Variants in DNTTIP2 observed in about 807,000 individuals in gnomAD.
The protein encoded by DNTTIP2 is deoxynucleotidyltransferase terminal-interacting protein 2.
A neutral mutation model predicts 62.4 loss-of-function variants in DNTTIP2; 47 were observed. The observed-to-expected ratio is 0.75, with a 90% CI of 0.60 to 0.96. DNTTIP2 has a LOEUF of 0.96. DNTTIP2 is among the 40% of genes least tolerant of loss of function. DNTTIP2 has a pLI of 0.00. For synonymous variants in DNTTIP2, 322 were observed against 300.9 expected, an observed-to-expected ratio of 1.07 and a Z score of -0.73; for missense variants, 870 against 849.1, an observed-to-expected ratio of 1.02 and a Z score of -0.31.
intron 1 of DNTTIP2, chr1:93,878,765 T>A: frequency 4.0e-6 from 1 of 250,998 alleles, no homozygotes; most frequent in Non-Finnish European, 7.7e-6. Flanking sequence ...TGGCCGAAAT[T>A]AACCCTCCTT....
In DNTTIP2 at chr1:93,876,849, T is replaced by C. The variant is rs773108956; in HGVS notation, c.1086A>G (p.Ser362=). The change falls in exon 2 of 7, where the codon TCA becomes TCG. Residue 362 remains serine (S), a synonymous_variant. Transcript: ENST00000436063. ...SNLNSEAVMK[S]LTQTFATVEV... ...CCACAGTTGCAAATGTTTGAGTTAA[T>C]GATTTCATTACAGCCTCAGAGTTCA... is the stretch of plus-strand genomic sequence containing the variant. 1.2e-6 allele frequency: 2 copies of C among 1,614,020 alleles called. No homozygotes were observed. Among genetic ancestry groups the C allele is most frequent in the Non-Finnish European group, 8.5e-7 (1 of 1,179,888 alleles).
At position 93,875,559 on chromosome 1, in the gene DNTTIP2, G is replaced by C. The variant is rs1003433125; in HGVS notation, c.1806+86C>G. 5.7e-6 allele frequency: 8 copies of C among 1,414,732 alleles called. No individual in the cohort carries two copies. The Admixed American group carries it at 1.9e-4, about 34-fold the overall frequency. The allele number at this position is 1,414,732 out of a possible 1,614,324, so 87.6% of individuals were successfully genotyped here. On this transcript the variant is annotated intron_variant, in intron 3 of 6. Transcript: ENST00000436063. ...CACATTAGGCCAATGTGGTTTCACT[G>C]TAGGAAAATTAAGTCTTTTACCAAG...
At position 93,867,265 on chromosome 1, in the gene DNTTIP2, T is replaced by C. The variant is rs1412351656; in HGVS notation, c.*2586A>G. The C allele has an allele frequency of 6.6e-6, 1 of 152,018 alleles. No individual in the cohort carries two copies. The highest frequency in any genetic ancestry group is 2.4e-5 in the African/African-American group (1 of 41,368). The allele number at this position is 152,018 out of a possible 1,614,324, so 9.4% of individuals were successfully genotyped here. ...GGTCTCTTTCACCAGCACACCTGAC[T>C]GTGGCAGCCCTTTGGATTCTTTATA... On this transcript the variant is annotated 3_prime_UTR_variant, in exon 7 of 7. Transcript: ENST00000436063.
chr1:93,877,879 A>G lies in DNTTIP2; in HGVS notation c.73-17T>C. The G allele has an allele frequency of 6.3e-7, 1 of 1,593,156 alleles. No homozygotes were observed. The highest frequency in any genetic ancestry group is 8.5e-7 in the Non-Finnish European group (1 of 1,176,242). On this transcript the variant is annotated splice_polypyrimidine_tract_variant and intron_variant, in intron 1 of 6. Coordinates refer to ENST00000436063, the MANE Select transcript of DNTTIP2 (RefSeq NM_014597.5). Reference sequence around the variant, plus strand: ...AGCAAAACTCTGCAAACCAGAGAAAACACACTGTAATTTAGGTAGGGCTGG... The same window carrying G: ...AGCAAAACTCTGCAAACCAGAGAAAGCACACTGTAATTTAGGTAGGGCTGG...
rs745358049 is a variant in DNTTIP2, at chr1:93,879,125, C to G, written c.24G>C (p.Arg8=). The change falls in exon 1 of 7, where the codon CGG becomes CGC. Residue 8 remains arginine (R), a synonymous_variant. Coordinates refer to ENST00000436063, the MANE Select transcript of DNTTIP2 (RefSeq NM_014597.5). MVVTRSA[R]AKASIQAASA... is the part of the protein sequence containing the mutation. ...ACGCGGCTTGGATGCTGGCCTTAGCCCGTGCAGATCTGGTAACCACCATCT... is the reference window on the plus strand; with the variant it reads ...ACGCGGCTTGGATGCTGGCCTTAGCGCGTGCAGATCTGGTAACCACCATCT... The G allele has an allele frequency of 6.2e-7, 1 of 1,613,610 alleles. No individual in the cohort carries two copies.
At chr1:93,878,273 T>C (rs1329107745) in intron 1 of DNTTIP2, among the ~76,000 whole-genome samples, 1 of 152,068 alleles carries the variant, frequency 6.6e-6, no homozygotes, top group African/African-American at 2.4e-5. Context: ...CACTGCACTC[T>C]AGCCTGGGCG....
intron 1 of DNTTIP2, 146 bp downstream of exon 1, chr1:93,878,931 A>T: frequency 3.0e-6 from 3 of 1,008,790 alleles, no homozygotes; most frequent in Non-Finnish European, 1.4e-6. Context: ...CAGGCTTAGC[A>T]CGGGGCCTGG....
intron 1 of DNTTIP2, among the ~76,000 whole-genome samples, chr1:93,878,304 A>T (rs949376101): frequency 6.6e-6 from 1 of 152,214 alleles, no homozygotes; most frequent in Non-Finnish European, 1.5e-5. Context: ...ACTCCGAATC[A>T]AAAACAAACA....
chr1:93,872,513 A>G (rs1040038604), intron 4 of DNTTIP2, among the ~76,000 whole-genome samples: 3 of 152,214 alleles, frequency 2.0e-5, no homozygotes, highest in Non-Finnish European at 2.9e-5. Flanking sequence ...TGCTGGGAGA[A>G]TAACACACAA....
At chr1:93,874,643 C>G (rs945245487) in intron 3 of DNTTIP2, among the ~76,000 whole-genome samples, 2 of 152,060 alleles carry the variant, frequency 1.3e-5, no homozygotes, top group African/African-American at 4.8e-5. Context: ...ACTGTCACAT[C>G]TGTGTGTGTG....
intron 3 of DNTTIP2, 92 bp from the exon 4 acceptor site, chr1:93,873,306 G>T: frequency 2.0e-6 from 2 of 984,662 alleles, no homozygotes; most frequent in Non-Finnish European, 3.0e-6. Flanking sequence ...AAAATTTTTA[G>T]TCAGCCTGGC....
rs200584102 is a variant in DNTTIP2, at chr1:93,877,091, C to T, written c.844G>A (p.Glu282Lys). ...TTAAGAGATTCAACATTGGCCTGTT[C>T]GTGCACTGTTAATATATTTTCTGAA... ...RSSENILTVH[E>K]QANVESLKET... is the part of the protein sequence containing the mutation. The change falls in exon 2 of 7, where the codon GAA (glutamate) becomes AAA (lysine). Residue 282 changes from glutamate (E) to lysine (K), a missense_variant. By Grantham distance (56) the Glu-to-Lys change is moderately conservative. Transcript: ENST00000436063. 9.9e-5 allele frequency: 160 copies of T among 1,611,320 alleles called. 1 individual carries two copies. In the African/African-American group the frequency reaches 1.9e-3, roughly 19 times the overall value.
chr1:93,872,865 A>G (rs1400643075), intron 4 of DNTTIP2, among the ~76,000 whole-genome samples: 1 of 150,204 alleles, frequency 6.7e-6, no homozygotes. Context: ...TGGCAGATAG[A>G]AGTAATCTAT....
chr1:93,871,983 T>G (rs1260970963), intron 5 of DNTTIP2, 89 bp downstream of exon 5: 1 of 1,414,366 alleles, frequency 7.1e-7, no homozygotes, highest in East Asian at 2.3e-5. Context: ...GGAAATATCC[T>G]CTATTTTAGG....
chr1:93,874,106 G>T (rs1308228321), intron 3 of DNTTIP2, among the ~76,000 whole-genome samples: 3 of 152,186 alleles, frequency 2.0e-5, no homozygotes, highest in Non-Finnish European at 4.4e-5. Context: ...ACTCATAAAA[G>T]GGGGCATGAT....
Position 93,877,189 on chromosome 1 carries a change from G to A in DNTTIP2, c.746C>T (p.Ala249Val). The change falls in exon 2 of 7, where the codon GCA (alanine) becomes GTA (valine). Residue 249 changes from alanine to valine, a missense_variant. Ala to Val is a moderately conservative substitution (Grantham distance 64). Coordinates refer to ENST00000436063, the MANE Select transcript of DNTTIP2 (RefSeq NM_014597.5). ...SDTRQTSHLQ[A>V]RSLSEINKPN... ...CTTATTTATCTCAGAAAGAGATCTT[G>A]CTTGTAAATGGGAAGTTTGTCTGGT... 4 of 1,613,676 alleles carry A rather than the reference G, an allele frequency of 2.5e-6. No individual in the cohort carries two copies. The South Asian group carries it at 4.4e-5, about 18-fold the overall frequency.
At chr1:93,873,517 A>ACTT (rs1655922647) in intron 3 of DNTTIP2, 1 of 234,222 alleles carries the variant, frequency 4.3e-6, no homozygotes, top group Non-Finnish European at 8.3e-6. Flanking sequence ...CAGAAGGATC[A>ACTT]CTTGAGGCCA....
Position 93,879,169 on chromosome 1 carries a change from C to T in DNTTIP2, c.-21G>A. 1 of 1,610,774 alleles carries T rather than the reference C, an allele frequency of 6.2e-7. No individual in the cohort carries two copies. Among genetic ancestry groups the T allele is most frequent in the Non-Finnish European group, 8.5e-7 (1 of 1,179,174 alleles). ...ACCATCTTTCCGGCTCCCTCGCGAC[C>T]ACCACGACTTCCCTCTTCCCTGGCG... On this transcript the variant is annotated 5_prime_UTR_variant, in exon 1 of 7. Transcript: ENST00000436063.
Position 93,877,327 on chromosome 1 carries a change from G to T in DNTTIP2, c.608C>A (p.Thr203Asn). 2 of 1,613,524 alleles carry T rather than the reference G, an allele frequency of 1.2e-6. 1 individual carries two copies. The highest frequency in any genetic ancestry group is 2.2e-5 in the South Asian group (2 of 91,020). The change falls in exon 2 of 7, where the codon ACC becomes AAC. Residue 203 changes from threonine (T) to asparagine (N), a missense_variant. Thr to Asn is a moderately conservative substitution (Grantham distance 65). Transcript: ENST00000436063. ...CTTTAATTTCCTCTGCATACTCCTG[G>T]TTCTTCTAGTTGCAATTCCAGAGAA... ...ISFSGIATRR[T>N]RSMQRKLKAQ...
Sources: gnomAD v4.1 joint callset for allele counts (sites outside exome capture counted in the v4.1 genomes callset) on GRCh38, gnomAD v4.1.1 for gene constraint, MANE v1.5 for transcripts, NCBI Gene and HGNC (gene_info 2026-07-23, HGNC 2026-07-21) for gene names.